ILKAP: variants seen among roughly 807,000 people sequenced by gnomAD.
The protein encoded by ILKAP is integrin-linked kinase-associated serine/threonine phosphatase 2C.
Under a neutral mutation model 49.1 loss-of-function variants are expected in ILKAP, and 11 were observed. That is an observed-to-expected ratio of 0.22 (90% CI 0.14 to 0.37). The LOEUF is 0.37. Among genes scored for constraint, ILKAP ranks in the 10% least tolerant of loss-of-function variants. The probability of loss-of-function intolerance (pLI) is 1.00; values close to 1 mark genes in which losing one functional copy is unlikely to be tolerated. For synonymous variants in ILKAP, 186 were observed against 192.8 expected (o/e 0.96, Z 0.29); for missense variants, 363 against 510.8 (o/e 0.71, Z 2.79).
In ILKAP at chr2:238,187,757, C is replaced by T. The variant is rs562610787; in HGVS notation, c.425+374G>A. Among the ~76,000 whole-genome samples, 26 of 152,284 alleles carry T rather than the reference C, an allele frequency of 1.7e-4. 1 individual carries two copies. The South Asian group carries it at 4.6e-3, about 27-fold the overall frequency. Reference sequence around the variant, plus strand: ...TCAGTTGCTGGTAAGGAGTAACACACGCTGCAGAGCCATGCTATGAAGCGT... The same window carrying T: ...TCAGTTGCTGGTAAGGAGTAACACATGCTGCAGAGCCATGCTATGAAGCGT... On this transcript the variant is annotated intron_variant, in intron 5 of 11. Coordinates refer to ENST00000254654, the MANE Select transcript of ILKAP (RefSeq NM_030768.3).
At chr2:238,175,109 T>C (rs1361733669) in intron 9 of ILKAP, among the ~76,000 whole-genome samples, 1 of 148,134 alleles carries the variant, frequency 6.8e-6, no homozygotes, top group East Asian at 2.0e-4. Context: ...GGAACTGCCA[T>C]CTCTCATTCT....
At chr2:238,202,919 A>C (rs1338511569) in intron 1 of ILKAP, among the ~76,000 whole-genome samples, 1 of 151,578 alleles carries the variant, frequency 6.6e-6, no homozygotes, top group Non-Finnish European at 1.5e-5. Context: ...GTTAATTATC[A>C]CAAAATCACA....
chr2:238,197,141 A>G (rs1694376971), intron 1 of ILKAP, among the ~76,000 whole-genome samples: 1 of 152,230 alleles, frequency 6.6e-6, no homozygotes, highest in Non-Finnish European at 1.5e-5. Flanking sequence ...GGTTGCGGTG[A>G]GCTGAGATAG....
In ILKAP at chr2:238,194,436, A is replaced by G. The variant is rs367723414; in HGVS notation, c.122-105T>C. The G allele has an allele frequency of 9.5e-6, 10 of 1,051,942 alleles. No individual in the cohort carries two copies. In the African/African-American group the frequency reaches 1.4e-4, roughly 15 times the overall value. The allele number at this position is 1,051,942 out of a possible 1,614,324, so 65.2% of individuals were successfully genotyped here. ...CTATGTAGGTTACTGAAATAAACTC[A>G]AAACTTTGCGTCAATCCAGTGGCAA... On this transcript the variant is annotated intron_variant, in intron 2 of 11. Coordinates refer to ENST00000254654, the MANE Select transcript of ILKAP (RefSeq NM_030768.3).
chr2:238,182,422 T>G (rs1052768442), intron 8 of ILKAP, among the ~76,000 whole-genome samples: 1 of 152,210 alleles, frequency 6.6e-6, no homozygotes, highest in African/African-American at 2.4e-5. Flanking sequence ...TGGTACAAAC[T>G]CTGCTGAATA....
chr2:238,185,290 G>A lies in ILKAP; in HGVS notation c.426-3C>T, dbSNP rs757464532. 3.2e-4 allele frequency: 498 copies of A among 1,576,326 alleles called. 1 individual carries two copies. The highest frequency in any genetic ancestry group is 4.2e-4 in the Non-Finnish European group (479 of 1,146,932). On this transcript the variant is annotated splice_region_variant and splice_polypyrimidine_tract_variant and intron_variant, in intron 5 of 11. Coordinates refer to ENST00000254654, the MANE Select transcript of ILKAP (RefSeq NM_030768.3). Reference sequence around the variant, plus strand: ...CAGCAAAATATGAAACCCGAGTACTGAAAGAACGAATTGAGAGTTAATCAA... The same window carrying A: ...CAGCAAAATATGAAACCCGAGTACTAAAAGAACGAATTGAGAGTTAATCAA...
chr2:238,188,273 C>T lies in ILKAP; in HGVS notation c.299-16G>A, dbSNP rs200272443. 10 of 1,611,426 alleles carry T rather than the reference C, an allele frequency of 6.2e-6. No individual in the cohort carries two copies. Among genetic ancestry groups the T allele is most frequent in the African/African-American group, 2.7e-5 (2 of 74,854 alleles). The stretch of plus-strand genomic sequence containing the variant: ...ACCGAAGAGGCTAAGGAAAAGAGAA[C>T]AAAAGAGCCAATACAAAACTGTGCC... On this transcript the variant is annotated splice_polypyrimidine_tract_variant and intron_variant, in intron 4 of 11. Coordinates refer to ENST00000254654, the MANE Select transcript of ILKAP (RefSeq NM_030768.3).
chr2:238,177,867 C>CT (rs1035796652), intron 9 of ILKAP, among the ~76,000 whole-genome samples: 6 of 152,118 alleles, frequency 3.9e-5, no homozygotes, highest in African/African-American at 9.7e-5. Flanking sequence ...CATGCTAACT[C>CT]TGTGTTTAAT....
chr2:238,186,451 A>C (rs939691165), intron 5 of ILKAP: 2 of 152,278 alleles, frequency 1.3e-5, no homozygotes, highest in Non-Finnish European at 2.9e-5. Flanking sequence ...TGGGCAACAT[A>C]GCGAGACCCC....
intron 9 of ILKAP, 130 bp from the exon 10 acceptor site, chr2:238,173,783 AC>A (rs1693330973): frequency 1.8e-6 from 2 of 1,089,122 alleles, no homozygotes; most frequent in East Asian, 5.2e-5. Context: ...ATTATTAACC[AC>A]TACTGACATT....
At chr2:238,188,819 T>G (rs1300392764) in intron 4 of ILKAP, among the ~76,000 whole-genome samples, 1 of 152,208 alleles carries the variant, frequency 6.6e-6, no homozygotes, top group South Asian at 2.1e-4. Context: ...ATGGTTAGAC[T>G]CATTTAAGCT....
rs1380118307 is a variant in ILKAP, at chr2:238,170,465, C to T, written c.*71G>A. On this transcript the variant is annotated 3_prime_UTR_variant, in exon 12 of 12. Transcript: ENST00000254654. ...GAGTCCCACAGGAGTACACAAAACACACAATGTGCACACACACAAAATGAA... is the reference window on the plus strand; with the variant it reads ...GAGTCCCACAGGAGTACACAAAACATACAATGTGCACACACACAAAATGAA... 5 of 1,489,700 alleles carry T rather than the reference C, an allele frequency of 3.4e-6. No individual in the cohort carries two copies. The highest frequency in any genetic ancestry group is 4.5e-6 in the Non-Finnish European group (5 of 1,106,918). 92.3% of individuals were successfully genotyped at this position (1,489,700 alleles called of 1,614,324 possible).
intron 6 of ILKAP, 30 bp downstream of exon 6, chr2:238,185,151 A>T (rs1295799710): frequency 7.2e-7 from 1 of 1,381,488 alleles, no homozygotes; most frequent in South Asian, 1.2e-5. Flanking sequence ...AACCAATTTG[A>T]GTATCAACTG....
In ILKAP at chr2:238,176,067, T is replaced by G. The variant is rs989812991; in HGVS notation, c.837-2414A>C. On this transcript the variant is annotated intron_variant, in intron 9 of 11. Transcript: ENST00000254654. The stretch of plus-strand genomic sequence containing the variant: ...CAAAGTTCAAACAAACTGCCCAAAG[T>G]TCATTCTCTTTCCCCTTCCCTCAGT... Among the ~76,000 whole-genome samples, 3 of 151,830 alleles carry G rather than the reference T, an allele frequency of 2.0e-5. No homozygotes were observed. The East Asian group carries it at 5.8e-4, about 29-fold the overall frequency.
chr2:238,200,452 T>C (rs1300385348), intron 1 of ILKAP, among the ~76,000 whole-genome samples: 5 of 152,218 alleles, frequency 3.3e-5, no homozygotes, highest in African/African-American at 1.2e-4. Flanking sequence ...ATAAGCAGTG[T>C]AGTATTCTCC....
intron 1 of ILKAP, among the ~76,000 whole-genome samples, chr2:238,195,527 T>G (rs1694306933): frequency 6.6e-6 from 1 of 152,218 alleles, no homozygotes; most frequent in Non-Finnish European, 1.5e-5. Context: ...AAGTATGTCT[T>G]AAATGTTTTA....
intron 8 of ILKAP, among the ~76,000 whole-genome samples, chr2:238,183,299 GGT>G (rs760984006): frequency 2.6e-5 from 4 of 152,076 alleles, no homozygotes; most frequent in Non-Finnish European, 4.4e-5. Context: ...TACTGTCTAA[GGT>G]CAGAGAAAGG....
intron 9 of ILKAP, among the ~76,000 whole-genome samples, chr2:238,178,700 T>C (rs565380317): frequency 6.6e-5 from 10 of 152,226 alleles, no homozygotes; most frequent in Non-Finnish European, 1.3e-4. Flanking sequence ...TGAGTGGACA[T>C]AGAACTAATG....
At chr2:238,181,874 G>A (rs1693707739) in intron 9 of ILKAP, among the ~76,000 whole-genome samples, 191 bp downstream of exon 9, 1 of 152,186 alleles carries the variant, frequency 6.6e-6, no homozygotes, top group Non-Finnish European at 1.5e-5. Context: ...AGGGAGGCAA[G>A]TTTCCTTCCA....
Sources: allele counts gnomAD v4.1 joint callset (sites outside exome capture counted in the v4.1 genomes callset), GRCh38; gene constraint gnomAD v4.1.1; transcripts MANE v1.5; gene names NCBI Gene and HGNC (gene_info 2026-07-23, HGNC 2026-07-21).